Variants in SEMA6B observed in about 807,000 individuals in gnomAD.
The protein encoded by SEMA6B is semaphorin 6B, also known as semaphorin-6B.
In SEMA6B, 47 loss-of-function variants were observed where a neutral mutation model predicts 78.6. That is an observed-to-expected ratio of 0.60 (90% confidence interval 0.47 to 0.76). The LOEUF (loss-of-function observed/expected upper bound fraction) is 0.76. SEMA6B is among the 30% of genes least tolerant of loss of function. The pLI, the probability that SEMA6B is intolerant of heterozygous loss-of-function variation, is 0.00. For missense variants in SEMA6B, 1,213 were observed against 1,269.9 expected (o/e 0.96, Z 0.68); for synonymous variants, 632 against 592.2 (o/e 1.07, Z -0.98).
chr19:4,552,704 T>C lies in SEMA6B; in HGVS notation c.772-65A>G. On this transcript the variant is annotated intron_variant, in intron 9 of 16. Transcript: ENST00000586582. The surrounding 1 kb of genome is among the most constrained non-coding windows in gnomAD (Gnocchi z 7.4). ...GTCCCAGGAAGGCCTGTTCACAGGC[T>C]GTGCCACTCACCACCCAAACTGTGA... is the stretch of plus-strand genomic sequence containing the variant. 1 of 1,459,398 alleles carries C rather than the reference T, an allele frequency of 6.9e-7. No homozygotes were observed. The highest frequency in any genetic ancestry group is 9.3e-7 in the Non-Finnish European group (1 of 1,074,894). The allele number at this position is 1,459,398 out of a possible 1,614,324, so 90.4% of individuals were successfully genotyped here. A position where few individuals can be genotyped will look rare whatever the true frequency, so the allele number is the denominator to read the frequency against.
At chr19:4,547,790 C>CGTT (rs33917175) in intron 14 of SEMA6B, among the ~76,000 whole-genome samples, 4 of 31,146 alleles carry the variant, frequency 1.3e-4, no homozygotes, top group African/African-American at 3.2e-4. Context: ...ATCCCCTCCC[C>CGTT]GTCCTCCCCT....
At chr19:4,554,526 T>A in intron 8 of SEMA6B, 50 bp from the exon 9 acceptor site, 1 of 1,433,730 alleles carries the variant, frequency 7.0e-7, no homozygotes. Flanking sequence ...ACAAAGGGGG[T>A]TTCTGGGGCT....
rs1392888505 is a variant in SEMA6B, at chr19:4,546,425, T to C, written c.1646A>G (p.Asp549Gly). Residue 549 changes from aspartate to glycine, a missense_variant, in exon 15 of 17, where the codon GAC becomes GGC. Physicochemically the swap from Asp to Gly is moderately conservative, Grantham distance 94. Coordinates refer to ENST00000586582, the MANE Select transcript of SEMA6B (RefSeq NM_032108.4). ...CGGGCTGAGGAAGATGCAGGAGCCG[T>C]CGGGGGCCCACCCGCAGTAGGGGTC... ...SQDPYCGWAPDGSCIFLSPGT... is the reference protein window; with the variant it reads ...SQDPYCGWAPGGSCIFLSPGT... The C allele has an allele frequency of 6.3e-7, 1 of 1,580,444 alleles. No individual in the cohort carries two copies. The highest frequency in any genetic ancestry group is 2.3e-5 in the East Asian group (1 of 42,824).
Position 4,557,021 on chromosome 19 carries a change from CAG to C in SEMA6B, c.307-10_307-9del, listed in dbSNP as rs752467658. 152 of 1,612,442 alleles carry C rather than the reference CAG, an allele frequency of 9.4e-5. No homozygotes were observed. Among genetic ancestry groups the C allele is most frequent in the African/African-American group, 8.5e-4 (64 of 74,922 alleles). Reference sequence around the variant, plus strand: ...AGATCTCCAGGTCAGCTTCTGCAGACAGAGAGAGCTGGTGAGGGGGTAACGGG... The same window carrying C: ...AGATCTCCAGGTCAGCTTCTGCAGACAGAGAGCTGGTGAGGGGGTAACGGG... On this transcript the variant is annotated splice_polypyrimidine_tract_variant and intron_variant, in intron 4 of 16. Transcript: ENST00000586582.
Position 4,558,171 on chromosome 19 carries a change from G to A in SEMA6B, c.122-22C>T, listed in dbSNP as rs1473846399. On this transcript the variant is annotated intron_variant, in intron 2 of 16. Coordinates refer to ENST00000586582, the MANE Select transcript of SEMA6B (RefSeq NM_032108.4). The surrounding 1 kb of genome is among the most constrained non-coding windows in gnomAD (Gnocchi z 5.1). Reference sequence around the variant, plus strand: ...AGGTCTGAGTGAGGGGGTGGAGAGGGGTGTGAGCAAGGGCTGGGGGTGAAG... The same window carrying A: ...AGGTCTGAGTGAGGGGGTGGAGAGGAGTGTGAGCAAGGGCTGGGGGTGAAG... 2.1e-6 allele frequency: 3 copies of A among 1,431,732 alleles called. No homozygotes were observed. The highest frequency in any genetic ancestry group is 2.8e-6 in the Non-Finnish European group (3 of 1,076,942). 88.7% of individuals were successfully genotyped at this position (1,431,732 alleles called of 1,614,324 possible).
rs529191124 is a variant in SEMA6B, at chr19:4,553,379, G to GTGGATGGATGGATGGATGGA, written c.772-760_772-741dup. On this transcript the variant is annotated intron_variant, in intron 9 of 16. Coordinates refer to ENST00000586582, the MANE Select transcript of SEMA6B (RefSeq NM_032108.4). ...GGTGGGTAGATGGTTGGATGGGTGA[G>GTGGATGGATGGATGGATGGA]TGGATGGATGGATGGATGGATGGAT... Among the ~76,000 whole-genome samples the GTGGATGGATGGATGGATGGA allele has an allele frequency of 4.4e-3, 512 of 116,596 alleles. 31 individuals carry two copies. Among genetic ancestry groups the GTGGATGGATGGATGGATGGA allele is most frequent in the East Asian group, 0.023 (81 of 3,498 alleles). The allele number at this position is 116,596 out of a possible 152,430, so 76.5% of individuals were successfully genotyped here. A position where few individuals can be genotyped will look rare whatever the true frequency, so the allele number is the denominator to read the frequency against.
Position 4,543,374 on chromosome 19 carries a change from TCCC to T in SEMA6B, c.*224_*226del. The T allele has an allele frequency of 5.5e-6, 2 of 363,596 alleles. No homozygotes were observed. The highest frequency in any genetic ancestry group is 1.1e-4 in the South Asian group (1 of 9,512). The allele number at this position is 363,596 out of a possible 1,614,324, so 22.5% of individuals were successfully genotyped here. A position where few individuals can be genotyped will look rare whatever the true frequency, so the allele number is the denominator to read the frequency against. On this transcript the variant is annotated 3_prime_UTR_variant, in exon 17 of 17. Transcript: ENST00000586582. ...CAACCTCAAATCCATAGCAAAGTCC[TCCC>T]GCCCACCCACCCCCAAACCGTCTCA...
rs1366481968 is a variant in SEMA6B at position 4,544,792 on chromosome 19, C to A, written c.1739-263G>T. On this transcript the variant is annotated intron_variant, in intron 16 of 16. Coordinates refer to ENST00000586582, the MANE Select transcript of SEMA6B (RefSeq NM_032108.4). The surrounding 1 kb of genome is among the most constrained non-coding windows in gnomAD (Gnocchi z 5.1). The stretch of plus-strand genomic sequence containing the variant: ...CTGGGACCACAGGTGCCCACCACCA[C>A]GCCCGGCTAATTTTTGTATTTTTAG... Among the ~76,000 whole-genome samples, 1 of 151,874 alleles carries A rather than the reference C, an allele frequency of 6.6e-6. No homozygotes were observed. The highest frequency in any genetic ancestry group is 2.1e-4 in the South Asian group (1 of 4,802).
In SEMA6B at chr19:4,548,160, CG is replaced by C; in HGVS notation, c.1467del (p.Gly490AlafsTer10). The C allele has an allele frequency of 6.3e-7, 1 of 1,591,746 alleles. No individual in the cohort carries two copies. Among genetic ancestry groups the C allele is most frequent in the East Asian group, 2.3e-5 (1 of 44,230 alleles). On this transcript the variant is annotated frameshift_variant, in exon 14 of 17. Transcript: ENST00000586582. LOFTEE classifies it high-confidence loss of function. ...ETYRPDRCGR[P>X]GGGETGQRLL... The stretch of plus-strand genomic sequence containing the variant: ...AGCCGCTGCCCTGTCTCGCCACCGC[CG>C]GGCCGTCCACACCTGGGGACAAGCA...
intron 5 of SEMA6B, 84 bp from the exon 6 acceptor site, chr19:4,556,173 G>A (rs1977464813): frequency 1.1e-5 from 10 of 941,642 alleles, no homozygotes; most frequent in African/African-American, 1.6e-5. Context: ...AGTTGTGTGG[G>A]TGGAGGGCCG....
At chr19:4,546,959 T>A (rs1371409439) in intron 14 of SEMA6B, among the ~76,000 whole-genome samples, 2 of 98,456 alleles carry the variant, frequency 2.0e-5, no homozygotes, top group African/African-American at 8.4e-5. Context: ...AATTAAAATT[T>A]AATTTTTTTT....
rs575505278 is a variant in SEMA6B at position 4,549,209 on chromosome 19, T to G, written c.1272-764A>C. ...TCTCTCTTCCCTATCTCTGTCTCTCTGGGTGTCTGTCTGTCTCTGATTGTC... is the reference window on the plus strand; with the variant it reads ...TCTCTCTTCCCTATCTCTGTCTCTCGGGGTGTCTGTCTGTCTCTGATTGTC... On this transcript the variant is annotated intron_variant, in intron 12 of 16. Coordinates refer to ENST00000586582, the MANE Select transcript of SEMA6B (RefSeq NM_032108.4). Among the ~76,000 whole-genome samples, 21 of 151,764 alleles carry G rather than the reference T, an allele frequency of 1.4e-4. No homozygotes were observed. In the East Asian group the frequency reaches 4.1e-3, roughly 30 times the overall value.
rs779780758 is a variant in SEMA6B at position 4,555,637 on chromosome 19, C to G, written c.472-73G>C. 6.5e-6 allele frequency: 8 copies of G among 1,233,632 alleles called. No homozygotes were observed. The highest frequency in any genetic ancestry group is 1.5e-5 in the African/African-American group (1 of 67,128). The allele number at this position is 1,233,632 out of a possible 1,614,324, so 76.4% of individuals were successfully genotyped here. ...GCAGCCCCTGGCTCCCTCAGCCCCC[C>G]ACTCCAGGGGGAATCCTGATCCACC... On this transcript the variant is annotated intron_variant, in intron 6 of 16. Coordinates refer to ENST00000586582, the MANE Select transcript of SEMA6B (RefSeq NM_032108.4). This position sits in a 1 kb window ranked among gnomAD's most constrained non-coding sequence, Gnocchi z 6.1.
chr19:4,551,785 C>A (rs375401598), intron 10 of SEMA6B, among the ~76,000 whole-genome samples: 2 of 151,488 alleles, frequency 1.3e-5, no homozygotes, highest in Non-Finnish European at 2.9e-5. Flanking sequence ...GCCGAGATCG[C>A]GCCACTGCAC....
At position 4,546,224 on chromosome 19, in the gene SEMA6B, T is replaced by A; in HGVS notation, c.1730A>T (p.Asp577Val). ...VSGASTSGLGDCTGLLRASLS... is the reference protein window; with the variant it reads ...VSGASTSGLGVCTGLLRASLS... ...CCGTCCCCCCAACTCACCTGTGCAG[T>A]CCCCTAAGCCTGAGGTGCTGGCCCC... Residue 577 changes from aspartate (D) to valine (V), a missense_variant, in exon 16 of 17, where the codon GAC becomes GTC. Coordinates refer to ENST00000586582, the MANE Select transcript of SEMA6B (RefSeq NM_032108.4). The A allele has an allele frequency of 6.2e-7, 1 of 1,611,454 alleles. No homozygotes were observed. Among genetic ancestry groups the A allele is most frequent in the Non-Finnish European group, 8.5e-7 (1 of 1,179,570 alleles).
Position 4,548,303 on chromosome 19 carries a change from T to G in SEMA6B, c.1414A>C (p.Ser472Arg). The part of the protein sequence containing the change: ...NASTSGTSGL[S>R]VFLEEFETYR... ...GTCTCAAACTCCTCCAGGAAGACAC[T>G]GAGCCCAGACGTCCCTGAGGTGCTG... is the stretch of plus-strand genomic sequence containing the variant. Residue 472 changes from serine (S) to arginine (R), a missense_variant, in exon 13 of 17, where the codon AGT (serine) becomes CGT (arginine). Ser to Arg is a moderately radical substitution (Grantham distance 110). Transcript: ENST00000586582. 1 of 1,613,736 alleles carries G rather than the reference T, an allele frequency of 6.2e-7. No homozygotes were observed. The highest frequency in any genetic ancestry group is 8.5e-7 in the Non-Finnish European group (1 of 1,179,862).
At chr19:4,553,806 T>C (rs745588912) in intron 9 of SEMA6B, among the ~76,000 whole-genome samples, 1 of 142,118 alleles carries the variant, frequency 7.0e-6, no homozygotes, top group Non-Finnish European at 1.5e-5. Context: ...GATGGATGGA[T>C]GAATGGATGG....
chr19:4,551,700 ACG>A, intron 10 of SEMA6B, among the ~76,000 whole-genome samples: 1 of 151,892 alleles, frequency 6.6e-6, no homozygotes, highest in Admixed American at 6.5e-5. Flanking sequence ...GTGGTGGCGC[ACG>A]CCTGTAATCC....
At chr19:4,549,299 C>CTTTTTTTTT (rs55771429) in intron 12 of SEMA6B, among the ~76,000 whole-genome samples, 1 of 98,594 alleles carries the variant, frequency 1.0e-5, no homozygotes, top group Non-Finnish European at 1.9e-5. Flanking sequence ...CTGTCTACCT[C>CTTTTTTTTT]TTTTTTTTTT....
Sources: allele counts gnomAD v4.1 joint callset (sites outside exome capture counted in the v4.1 genomes callset), GRCh38; gene constraint gnomAD v4.1.1; non-coding constraint Gnocchi (gnomAD v3.1); transcripts MANE v1.5; gene names NCBI Gene and HGNC (gene_info 2026-07-23, HGNC 2026-07-21).